Variants in CLASP1 observed in about 807,000 individuals in gnomAD.
The protein encoded by CLASP1 is cytoplasmic linker associated protein 1, also known as CLIP-associating protein 1.
Under a neutral mutation model 192.3 loss-of-function variants are expected in CLASP1, and 38 were observed. The ratio of observed to expected loss-of-function variants is 0.20; its 90% CI spans 0.15 to 0.26. CLASP1 has a LOEUF of 0.26. Among genes scored for constraint, CLASP1 ranks in the 10% least tolerant of loss-of-function variants. CLASP1 has a pLI of 1.00. For synonymous variants in CLASP1, 691 were observed against 712.8 expected, an observed-to-expected ratio of 0.97 and a Z score of 0.49; for missense variants, 1,433 against 1,932.5, an observed-to-expected ratio of 0.74 and a Z score of 4.85.
Position 121,457,454 on chromosome 2 carries a change from G to GACACAC in CLASP1, c.1385+232_1385+233insGTGTGT, listed in dbSNP as rs753105912. The stretch of plus-strand genomic sequence containing the variant: ...ACCCAAACTCACTTTCTCTCACACA[G>GACACAC]ACATACACACACACACACACACACA... On this transcript the variant is annotated intron_variant, in intron 14 of 39. Coordinates refer to ENST00000263710, the Ensembl canonical transcript of CLASP1. Among the ~76,000 whole-genome samples the GACACAC allele has an allele frequency of 1.4e-3, 182 of 131,788 alleles. No individual in the cohort carries two copies. The East Asian group carries it at 0.02, about 14-fold the overall frequency. 86.5% of individuals were successfully genotyped at this position (131,788 alleles called of 152,430 possible).
chr2:121,614,356 C>T (rs549312324), intron 1 of CLASP1, among the ~76,000 whole-genome samples: 1 of 152,162 alleles, frequency 6.6e-6, no homozygotes, highest in African/African-American at 2.4e-5. Context: ...ACTAGCCAGG[C>T]GTGGTGGTGT....
intron 11 of CLASP1, among the ~76,000 whole-genome samples, chr2:121,460,326 T>C (rs2087640155): frequency 6.6e-6 from 1 of 152,192 alleles, no homozygotes; most frequent in Admixed American, 6.5e-5. Flanking sequence ...AAATAATTTT[T>C]AACTAGAGTA....
chr2:121,413,347 AT>A lies in CLASP1; in HGVS notation c.2321-2379del, dbSNP rs764377291. 5.3e-5 allele frequency among the ~76,000 whole-genome samples: 8 copies of A among 152,240 alleles called. 1 individual carries two copies. The highest frequency in any genetic ancestry group is 2.9e-5 in the Non-Finnish European group (2 of 68,040). ...AAAGAGAAAATACCAGACTCGGTGA[AT>A]TGGTAACAATTGTTACCATCAATGG... On this transcript the variant is annotated intron_variant, in intron 23 of 39. Coordinates refer to ENST00000263710, the Ensembl canonical transcript of CLASP1.
intron 39 of CLASP1, among the ~76,000 whole-genome samples, chr2:121,342,060 T>C (rs1158293230): frequency 6.6e-6 from 1 of 152,140 alleles, no homozygotes; most frequent in African/African-American, 2.4e-5. Flanking sequence ...GTTAACATAT[T>C]CTTAAACAAC....
chr2:121,417,923 G>A lies in CLASP1; in HGVS notation c.2320+699C>T, dbSNP rs554964633. Reference sequence around the variant, plus strand: ...CAGATCCACATAATTTCAGGTCTACGTCTAAGTATTATAAAATGATTTCTA... The same window carrying A: ...CAGATCCACATAATTTCAGGTCTACATCTAAGTATTATAAAATGATTTCTA... On this transcript the variant is annotated intron_variant, in intron 23 of 39. Transcript: ENST00000263710. 8.5e-5 allele frequency among the ~76,000 whole-genome samples: 13 copies of A among 152,274 alleles called. No homozygotes were observed. In the East Asian group the frequency reaches 1.9e-3, roughly 23 times the overall value.
chr2:121,413,664 T>C (rs2078096487), intron 23 of CLASP1, among the ~76,000 whole-genome samples: 1 of 152,194 alleles, frequency 6.6e-6, no homozygotes, highest in East Asian at 1.9e-4. Flanking sequence ...TTCATACATA[T>C]GAAATTATGT....
chr2:121,542,726 A>C (rs72971212), intron 2 of CLASP1, among the ~76,000 whole-genome samples: 186 of 152,378 alleles, frequency 1.2e-3, no homozygotes, highest in African/African-American at 4.2e-3. Flanking sequence ...AAATACGTTA[A>C]TTAATATTGG....
At chr2:121,471,954 T>G (rs1345344432) in intron 8 of CLASP1, among the ~76,000 whole-genome samples, 1 of 152,200 alleles carries the variant, frequency 6.6e-6, no homozygotes, top group East Asian at 1.9e-4. Flanking sequence ...AGTCACCCAC[T>G]GAGTACTGCC....
At chr2:121,489,918 G>A (rs965871024) in intron 8 of CLASP1, among the ~76,000 whole-genome samples, 6 of 152,014 alleles carry the variant, frequency 3.9e-5, no homozygotes, top group East Asian at 1.9e-4. Context: ...ACCACTTAGC[G>A]TTATTAACAA....
chr2:121,387,992 A>G lies in CLASP1; in HGVS notation c.3124-86T>C, dbSNP rs1480803117. 5.6e-6 allele frequency: 6 copies of G among 1,070,324 alleles called. No individual in the cohort carries two copies. The Admixed American group carries it at 1.3e-4, about 23-fold the overall frequency. 66.3% of individuals were successfully genotyped at this position (1,070,324 alleles called of 1,614,324 possible). On this transcript the variant is annotated intron_variant, in intron 30 of 39. Transcript: ENST00000263710. ...AAAGTTGTTTAAAAAAATATTTTAT[A>G]AGTAAAATCACTAATAAGAGGGCAT...
chr2:121,619,858 T>C (rs982577113), intron 1 of CLASP1, among the ~76,000 whole-genome samples: 1 of 152,172 alleles, frequency 6.6e-6, no homozygotes, highest in Non-Finnish European at 1.5e-5. Context: ...GGACATCCAC[T>C]GAGAACTGCT....
chr2:121,506,142 C>A (rs891475991), intron 7 of CLASP1, among the ~76,000 whole-genome samples: 4 of 152,142 alleles, frequency 2.6e-5, no homozygotes, highest in African/African-American at 9.7e-5. Context: ...CCTTGAAAAT[C>A]TGCTTCAAAG....
At chr2:121,492,150 G>A (rs2093337261) in intron 8 of CLASP1, among the ~76,000 whole-genome samples, 1 of 152,176 alleles carries the variant, frequency 6.6e-6, no homozygotes, top group African/African-American at 2.4e-5. Flanking sequence ...AGCACTTTGG[G>A]AGGCCGAGGC....
At chr2:121,396,585 C>A (rs1402520001) in intron 30 of CLASP1, among the ~76,000 whole-genome samples, 2 of 152,158 alleles carry the variant, frequency 1.3e-5, no homozygotes, top group Non-Finnish European at 2.9e-5. Context: ...GCTAGTTTGT[C>A]CCAAACAGGT....
At chr2:121,629,834 T>C (rs572252191) in intron 1 of CLASP1, among the ~76,000 whole-genome samples, 10 of 146,548 alleles carry the variant, frequency 6.8e-5, no homozygotes, top group African/African-American at 1.6e-4. Flanking sequence ...AATGATGCCA[T>C]TTTTGTTTAT....
chr2:121,433,165 T>C (rs566342241), intron 19 of CLASP1, among the ~76,000 whole-genome samples: 1 of 151,874 alleles, frequency 6.6e-6, no homozygotes, highest in African/African-American at 2.4e-5. Flanking sequence ...CTACTAAAAA[T>C]GCAAAAATTA....
intron 7 of CLASP1, among the ~76,000 whole-genome samples, chr2:121,514,139 C>T (rs1015170915): frequency 1.1e-4 from 17 of 152,214 alleles, no homozygotes; most frequent in African/African-American, 4.1e-4. Flanking sequence ...TTCACCATGT[C>T]ATTTCCCCCT....
At chr2:121,460,012 A>C in exon 12 of CLASP1, 1 of 1,613,346 alleles carries the variant, frequency 6.2e-7, no homozygotes, top group African/African-American at 1.3e-5. Flanking sequence ...GCACTACCTG[A>C]GACCGCAGGT....
chr2:121,513,297 G>C (rs1372057472), intron 7 of CLASP1, among the ~76,000 whole-genome samples: 5 of 152,158 alleles, frequency 3.3e-5, no homozygotes, highest in Admixed American at 2.6e-4. Context: ...GGATGTGAAG[G>C]GTGTGGGTCC....
Sources: gnomAD v4.1 joint callset for allele counts (sites outside exome capture counted in the v4.1 genomes callset) on GRCh38, gnomAD v4.1.1 for gene constraint, MANE v1.5 for transcripts, NCBI Gene and HGNC (gene_info 2026-07-23, HGNC 2026-07-21) for gene names.